RRAGD: variants seen among roughly 807,000 people sequenced by gnomAD.
The protein encoded by RRAGD is ras-related GTP-binding protein D.
RRAGD carries 12 observed loss-of-function variants against 35.5 expected under a neutral mutation model. The observed-to-expected ratio is 0.34, with a 90% CI of 0.22 to 0.55. The LOEUF is 0.55. RRAGD is among the 20% of genes least tolerant of loss of function. The probability of loss-of-function intolerance (pLI) is 0.91; values close to 1 mark genes in which losing one functional copy is unlikely to be tolerated. For missense variants in RRAGD, 324 were observed against 490.1 expected, an observed-to-expected ratio of 0.66 and a Z score of 3.20; for synonymous variants, 155 against 178.9, an observed-to-expected ratio of 0.87 and a Z score of 1.07.
At chr6:89,378,032 G>A (rs1768976359) in intron 4 of RRAGD, among the ~76,000 whole-genome samples, 1 of 152,230 alleles carries the variant, frequency 6.6e-6, no homozygotes, top group African/African-American at 2.4e-5. Context: ...GGCCGGGCAT[G>A]GTGGCTCACG....
chr6:89,395,426 G>A (rs778558486), intron 1 of RRAGD, among the ~76,000 whole-genome samples: 2 of 152,046 alleles, frequency 1.3e-5, no homozygotes, highest in East Asian at 1.9e-4. Context: ...AACTTAAATC[G>A]ATAGAACTAT....
chr6:89,367,278 G>A lies in RRAGD; in HGVS notation c.*778C>T, dbSNP rs528401968. The A allele has an allele frequency of 1.3e-5, 2 of 152,168 alleles. No homozygotes were observed. The highest frequency in any genetic ancestry group is 1.9e-4 in the East Asian group (1 of 5,172). 9.4% of individuals were successfully genotyped at this position (152,168 alleles called of 1,614,324 possible). Reference sequence around the variant, plus strand: ...ACATTCTTACTTCTCTCCAGTGTTCGGCACCATTTTGGAAATCTGGTCCCA... The same window carrying A: ...ACATTCTTACTTCTCTCCAGTGTTCAGCACCATTTTGGAAATCTGGTCCCA... On this transcript the variant is annotated 3_prime_UTR_variant, in exon 7 of 7. Coordinates refer to ENST00000369415, the MANE Select transcript of RRAGD (RefSeq NM_021244.5).
intron 6 of RRAGD, among the ~76,000 whole-genome samples, chr6:89,368,816 G>A (rs1014684945): frequency 2.0e-5 from 3 of 152,118 alleles, no homozygotes; most frequent in Admixed American, 6.5e-5. Flanking sequence ...TAGTAGGAGG[G>A]AATCTTCTTG....
At chr6:89,384,399 A>G (rs1769102974) in intron 2 of RRAGD, among the ~76,000 whole-genome samples, 1 of 152,168 alleles carries the variant, frequency 6.6e-6, no homozygotes, top group Non-Finnish European at 1.5e-5. Context: ...GTTAGAGTGC[A>G]ATGGCACAAT....
intron 5 of RRAGD, among the ~76,000 whole-genome samples, chr6:89,376,764 G>C (rs1271579748): frequency 1.3e-5 from 2 of 152,128 alleles, no homozygotes; most frequent in Non-Finnish European, 2.9e-5. Flanking sequence ...TCAGGAATCA[G>C]ATCTGAGTTG....
chr6:89,371,291 C>T (rs760953676), intron 6 of RRAGD, among the ~76,000 whole-genome samples: 5 of 151,740 alleles, frequency 3.3e-5, no homozygotes, highest in Non-Finnish European at 5.9e-5. Context: ...GAGTTTGAGA[C>T]CAGCCTAGGA....
At chr6:89,398,442 A>G (rs1217302275) in intron 1 of RRAGD, among the ~76,000 whole-genome samples, 1 of 152,262 alleles carries the variant, frequency 6.6e-6, no homozygotes, top group African/African-American at 2.4e-5. Context: ...GTGTTTAAAC[A>G]ATGCAAAGTG....
chr6:89,401,414 C>T (rs1021715339), intron 1 of RRAGD, among the ~76,000 whole-genome samples: 1 of 152,040 alleles, frequency 6.6e-6, no homozygotes, highest in African/African-American at 2.4e-5. Flanking sequence ...CCTGACACCA[C>T]ACTCAGCTAA....
In RRAGD at chr6:89,411,831, G is replaced by A. The variant is rs1481711255; in HGVS notation, c.148+15C>T. ...AAAGGGGCGCGAGCCGAGGACGCGG[G>A]GGCCGGGCGCTCACCTCCCTCCTCT... On this transcript the variant is annotated intron_variant, in intron 1 of 6. Transcript: ENST00000369415. This position sits in a 1 kb window ranked among gnomAD's most constrained non-coding sequence, Gnocchi z 5.6. 10 of 1,545,140 alleles carry A rather than the reference G, an allele frequency of 6.5e-6. No individual in the cohort carries two copies. The highest frequency in any genetic ancestry group is 8.7e-6 in the Non-Finnish European group (10 of 1,149,342).
rs1582498737 is a variant in RRAGD, at chr6:89,365,810, C to T, written c.*2246G>A. The T allele has an allele frequency of 1.3e-5, 2 of 152,162 alleles. No individual in the cohort carries two copies. Among genetic ancestry groups the T allele is most frequent in the Admixed American group, 1.3e-4 (2 of 15,278 alleles). The allele number at this position is 152,162 out of a possible 1,614,324, so 9.4% of individuals were successfully genotyped here. A position where few individuals can be genotyped will look rare whatever the true frequency, so the allele number is the denominator to read the frequency against. On this transcript the variant is annotated 3_prime_UTR_variant, in exon 7 of 7. Transcript: ENST00000369415. ...CAACCTGGTTATAGTAATAAATATA[C>T]CTAAGTAATGTGTGATTTACCAAAT...
chr6:89,398,775 C>T (rs1023483589), intron 1 of RRAGD, among the ~76,000 whole-genome samples: 1 of 152,204 alleles, frequency 6.6e-6, no homozygotes, highest in Non-Finnish European at 1.5e-5. Context: ...TGAAGAAATT[C>T]TGGTTTTGGT....
In RRAGD at chr6:89,364,869, A is replaced by G. The variant is rs1341278072; in HGVS notation, c.*3187T>C. 6.6e-6 allele frequency: 1 copy of G among 152,192 alleles called. No homozygotes were observed. The highest frequency in any genetic ancestry group is 2.4e-5 in the African/African-American group (1 of 41,448). The allele number at this position is 152,192 out of a possible 1,614,324, so 9.4% of individuals were successfully genotyped here. On this transcript the variant is annotated 3_prime_UTR_variant, in exon 7 of 7. Coordinates refer to ENST00000369415, the MANE Select transcript of RRAGD (RefSeq NM_021244.5). The stretch of plus-strand genomic sequence containing the variant: ...AAATGAGAGCTTTACCAAAGCATGA[A>G]CCTAGGACACATGCTTTTAAATTGG...
chr6:89,411,802 G>T lies in RRAGD; in HGVS notation c.148+44C>A. 1 of 1,525,394 alleles carries T rather than the reference G, an allele frequency of 6.6e-7. No individual in the cohort carries two copies. Among genetic ancestry groups the T allele is most frequent in the Non-Finnish European group, 8.8e-7 (1 of 1,140,140 alleles). 94.5% of individuals were successfully genotyped at this position (1,525,394 alleles called of 1,614,324 possible). A position where few individuals can be genotyped will look rare whatever the true frequency, so the allele number is the denominator to read the frequency against. On this transcript the variant is annotated intron_variant, in intron 1 of 6. Transcript: ENST00000369415. This position sits in a 1 kb window ranked among gnomAD's most constrained non-coding sequence, Gnocchi z 5.6. ...GCTGGGGGCGGGAAGGCGCCAAGGG[G>T]AGGAAAGGGGCGCGAGCCGAGGACG...
At chr6:89,384,683 C>T (rs1458691551) in intron 2 of RRAGD, among the ~76,000 whole-genome samples, 4 of 151,820 alleles carry the variant, frequency 2.6e-5, no homozygotes, top group Admixed American at 6.6e-5. Flanking sequence ...GGTGTGGTGG[C>T]GGGCGCCTGC....
rs983538509 is a variant in RRAGD, at chr6:89,412,227, G to T, written c.-234C>A. On this transcript the variant is annotated 5_prime_UTR_variant, in exon 1 of 7. The change creates a new upstream start codon in the 5' untranslated region. Transcript: ENST00000369415. The surrounding 1 kb of genome is among the most constrained non-coding windows in gnomAD (Gnocchi z 4.2). ...GCCCCGCCCGCCGGCGGAGGAGTCA[G>T]CCGGAGCGCGGCAGTTCCTCCCGGA... The T allele has an allele frequency of 1.4e-5, 4 of 284,388 alleles. No homozygotes were observed. Among genetic ancestry groups the T allele is most frequent in the African/African-American group, 4.6e-5 (2 of 43,746 alleles). The allele number at this position is 284,388 out of a possible 1,614,324, so 17.6% of individuals were successfully genotyped here.
intron 6 of RRAGD, among the ~76,000 whole-genome samples, chr6:89,370,877 T>A (rs1768843564): frequency 6.6e-6 from 1 of 152,122 alleles, no homozygotes; most frequent in South Asian, 2.1e-4. Context: ...AGAGTAGTTA[T>A]CTGAATGAGA....
intron 4 of RRAGD, among the ~76,000 whole-genome samples, chr6:89,378,024 C>G (rs1349402243): frequency 6.6e-6 from 1 of 152,182 alleles, no homozygotes; most frequent in African/African-American, 2.4e-5. Flanking sequence ...AAAGTAGAGG[C>G]CGGGCATGGT....
At chr6:89,373,896 A>C (rs1224339658) in intron 5 of RRAGD, among the ~76,000 whole-genome samples, 1 of 152,262 alleles carries the variant, frequency 6.6e-6, no homozygotes, top group Non-Finnish European at 1.5e-5. Context: ...TTAATGACTG[A>C]AACTGGACCC....
At chr6:89,379,482 C>A (rs1769006065) in intron 3 of RRAGD, 144 bp from the exon 4 acceptor site, 1 of 409,402 alleles carries the variant, frequency 2.4e-6, no homozygotes, top group Admixed American at 4.4e-5. Flanking sequence ...TTTACAGTGA[C>A]CTCGGTAAAA....
Sources: allele counts gnomAD v4.1 joint callset (sites outside exome capture counted in the v4.1 genomes callset), GRCh38; gene constraint gnomAD v4.1.1; non-coding constraint Gnocchi (gnomAD v3.1); transcripts MANE v1.5; gene names NCBI Gene and HGNC (gene_info 2026-07-23, HGNC 2026-07-21).